TMEM45A: variants seen among roughly 807,000 people sequenced by gnomAD.
TMEM45A encodes DNA polymerase-transactivated protein 4.
In TMEM45A, 25 loss-of-function variants were observed where a neutral mutation model predicts 32.0. The observed-to-expected ratio is 0.78, with a 90% CI of 0.57 to 1.09. TMEM45A has a LOEUF of 1.09. Among genes scored for constraint, TMEM45A ranks in the 50% least tolerant of loss-of-function variants. TMEM45A has a pLI of 0.00. For missense variants in TMEM45A, 302 were observed against 325.0 expected, an observed-to-expected ratio of 0.93 and a Z score of 0.54; for synonymous variants, 122 against 114.8, an observed-to-expected ratio of 1.06 and a Z score of -0.40.
At chr3:100,540,566 A>G (rs185862482) in intron 1 of TMEM45A, among the ~76,000 whole-genome samples, 54 of 152,340 alleles carry the variant, frequency 3.5e-4, no homozygotes, top group Non-Finnish European at 7.2e-4. Flanking sequence ...GCGGAGAAAC[A>G]AGAACTCTCA....
intron 1 of TMEM45A, among the ~76,000 whole-genome samples, chr3:100,532,408 G>T (rs1183951589): frequency 6.6e-6 from 1 of 152,180 alleles, no homozygotes; most frequent in African/African-American, 2.4e-5. Flanking sequence ...GTCATCTACA[G>T]CAGGCTTTTC....
At chr3:100,576,643 GA>G (rs577227050) in intron 5 of TMEM45A, among the ~76,000 whole-genome samples, 51 of 151,780 alleles carry the variant, frequency 3.4e-4, no homozygotes, top group African/African-American at 1.2e-3. Context: ...GAAAAGAAAA[GA>G]AAAAGAAAAA....
intron 1 of TMEM45A, among the ~76,000 whole-genome samples, chr3:100,534,510 G>C (rs549812783): frequency 2.8e-4 from 42 of 152,252 alleles, no homozygotes; most frequent in African/African-American, 9.4e-4. Flanking sequence ...TGGAACCCAG[G>C]AACACAGGAG....
chr3:100,558,620 G>A (rs1175006299), intron 4 of TMEM45A, 31 bp downstream of exon 4: 1 of 1,602,588 alleles, frequency 6.2e-7, no homozygotes. Context: ...AATGTACCTG[G>A]ACTCTTTGCC....
At chr3:100,539,490 T>C (rs13060328) in intron 1 of TMEM45A, among the ~76,000 whole-genome samples, 3,728 of 71,294 alleles carry the variant, frequency 0.052, 69 homozygotes, top group East Asian at 0.076. Context: ...TATATGTATA[T>C]GTATACGTAT....
intron 1 of TMEM45A, among the ~76,000 whole-genome samples, chr3:100,537,924 C>A (rs1705775672): frequency 6.6e-6 from 1 of 152,230 alleles, no homozygotes. Flanking sequence ...AACTGAGAAA[C>A]AGCTTTCTCG....
chr3:100,493,369 T>C (rs950446568), intron 1 of TMEM45A, among the ~76,000 whole-genome samples: 2 of 152,072 alleles, frequency 1.3e-5, no homozygotes, highest in Non-Finnish European at 2.9e-5. Context: ...ACACGTTTGC[T>C]TCTGTTAATA....
chr3:100,504,531 T>C (rs1183872250), intron 1 of TMEM45A, among the ~76,000 whole-genome samples: 2 of 152,178 alleles, frequency 1.3e-5, no homozygotes, highest in Non-Finnish European at 2.9e-5. Context: ...CTCCAGTAGC[T>C]TCCTATTGCA....
chr3:100,533,433 G>A (rs1160411779), intron 1 of TMEM45A, among the ~76,000 whole-genome samples: 2 of 151,972 alleles, frequency 1.3e-5, no homozygotes, highest in South Asian at 2.1e-4. Context: ...CATTCCTCAC[G>A]TCTGCACAGC....
chr3:100,554,606 T>C (rs1288540638), intron 1 of TMEM45A, among the ~76,000 whole-genome samples: 1 of 151,968 alleles, frequency 6.6e-6, no homozygotes, highest in Non-Finnish European at 1.5e-5. Context: ...ACACAGATAT[T>C]TGATGAACAC....
intron 1 of TMEM45A, among the ~76,000 whole-genome samples, chr3:100,530,443 A>G (rs1705624525): frequency 6.6e-6 from 1 of 152,242 alleles, no homozygotes; most frequent in Non-Finnish European, 1.5e-5. Flanking sequence ...TCCAGCCTCC[A>G]TTCACCAGTA....
chr3:100,543,283 T>C (rs1256260535), intron 1 of TMEM45A, among the ~76,000 whole-genome samples: 1 of 152,210 alleles, frequency 6.6e-6, no homozygotes, highest in Non-Finnish European at 1.5e-5. Context: ...TCCAACTTTA[T>C]GTTACTACAA....
Position 100,567,355 on chromosome 3 carries a change from A to G in TMEM45A, c.589-1467A>G, listed in dbSNP as rs925777282. 3.2e-4 allele frequency among the ~76,000 whole-genome samples: 49 copies of G among 151,938 alleles called. 1 individual carries two copies. The highest frequency in any genetic ancestry group is 2.4e-3 in the Admixed American group (37 of 15,262). ...ATTTCTGGACTCTCAATTTTATTTC[A>G]TTGATCTAAATGTTTATCATTATGC... On this transcript the variant is annotated intron_variant, in intron 4 of 5. Transcript: ENST00000323523.
rs1456204928 is a variant in TMEM45A, at chr3:100,554,130, G to A, written c.-3-1079G>A. Among the ~76,000 whole-genome samples, 6 of 150,328 alleles carry A rather than the reference G, an allele frequency of 4.0e-5. No homozygotes were observed. In the East Asian group the frequency reaches 1.2e-3, roughly 29 times the overall value. On this transcript the variant is annotated intron_variant, in intron 1 of 5. Coordinates refer to ENST00000323523, the MANE Select transcript of TMEM45A (RefSeq NM_018004.3). ...CATTATTCTGTTGATGGTATGATAT[G>A]TTTCAACAAAGGGCTACTCACGTAA...
intron 1 of TMEM45A, among the ~76,000 whole-genome samples, chr3:100,495,093 G>A (rs1707903829): frequency 6.6e-6 from 1 of 152,184 alleles, no homozygotes; most frequent in South Asian, 2.1e-4. Context: ...CTGCCATTTT[G>A]ACTTCTGCTC....
chr3:100,542,046 C>T (rs1470699587), intron 1 of TMEM45A, among the ~76,000 whole-genome samples: 1 of 152,110 alleles, frequency 6.6e-6, no homozygotes. Context: ...GTTTTGGTTA[C>T]TGTAGTCTTA....
At position 100,568,722 on chromosome 3, in the gene TMEM45A, T is replaced by TTGGAG. The variant is rs1460333291; in HGVS notation, c.589-99_589-98insGGAGT. 27 of 1,100,636 alleles carry TTGGAG rather than the reference T, an allele frequency of 2.5e-5. No homozygotes were observed. The Admixed American group carries it at 5.4e-4, about 22-fold the overall frequency. The allele number at this position is 1,100,636 out of a possible 1,614,324, so 68.2% of individuals were successfully genotyped here. A position where few individuals can be genotyped will look rare whatever the true frequency, so the allele number is the denominator to read the frequency against. ...TCTGTTACATCTTAGATAATTGGAG[T>TTGGAG]TAACTTAGTTATTTACCTCGGAAGC... On this transcript the variant is annotated intron_variant, in intron 4 of 5. Transcript: ENST00000323523.
intron 5 of TMEM45A, chr3:100,574,598 T>C (rs1430482840): frequency 2.6e-5 from 4 of 152,272 alleles, no homozygotes. Flanking sequence ...CAGCCCGTCG[T>C]CTTCACCATG....
At chr3:100,541,576 C>A (rs1176990597) in intron 1 of TMEM45A, among the ~76,000 whole-genome samples, 1 of 134,704 alleles carries the variant, frequency 7.4e-6, no homozygotes, top group Admixed American at 8.4e-5. Flanking sequence ...GTCACCCAGG[C>A]TGGAGTTTGA....
Sources: gnomAD v4.1 joint callset for allele counts (sites outside exome capture counted in the v4.1 genomes callset) on GRCh38, gnomAD v4.1.1 for gene constraint, MANE v1.5 for transcripts, NCBI Gene and HGNC (gene_info 2026-07-23, HGNC 2026-07-21) for gene names.